DNAH8: variants seen among roughly 807,000 people sequenced by gnomAD.
The protein encoded by DNAH8 is axonemal beta dynein heavy chain 8.
DNAH8 carries 382 observed loss-of-function variants against 562.1 expected under a neutral mutation model. That is an observed-to-expected ratio of 0.68 (90% CI 0.63 to 0.74). The LOEUF (loss-of-function observed/expected upper bound fraction) is 0.74, where lower values mean the gene tolerates loss of function less well. Among genes scored for constraint, DNAH8 ranks in the 30% least tolerant of loss-of-function variants. The pLI, the probability that DNAH8 is intolerant of heterozygous loss-of-function variation, is 0.00. For synonymous variants in DNAH8, 1,881 were observed against 1,919.4 expected, an observed-to-expected ratio of 0.98 and a Z score of 0.52; for missense variants, 5,203 against 5,620.4, an observed-to-expected ratio of 0.93 and a Z score of 2.37.
intron 91 of DNAH8, 26 bp from the exon 92 acceptor site, chr6:39,026,520 C>T (rs1767295583): frequency 6.3e-7 from 1 of 1,592,610 alleles, no homozygotes; most frequent in Non-Finnish European, 8.5e-7. Flanking sequence ...AACAAGGCTT[C>T]AACATCTCTT....
chr6:39,001,456 C>T (rs1765480192), intron 88 of DNAH8, among the ~76,000 whole-genome samples: 1 of 151,978 alleles, frequency 6.6e-6, no homozygotes. Flanking sequence ...GTGAAGACAT[C>T]TAAGCTGAGC....
At position 38,853,257 on chromosome 6, in the gene DNAH8, A is replaced by T. The variant is rs548987637; in HGVS notation, c.5643A>T (p.Ser1881=). The T allele has an allele frequency of 3.7e-6, 6 of 1,613,366 alleles. No individual in the cohort carries two copies. The highest frequency in any genetic ancestry group is 5.1e-6 in the Non-Finnish European group (6 of 1,179,708). Residue 1881 remains serine (S), a synonymous_variant, in exon 41 of 93, where the codon TCA becomes TCT. Transcript: ENST00000327475. The part of the protein sequence containing the change: ...WLLDLLKMQM[S]SLHNIIRSAF... ...TGGATTTGTTAAAAATGCAGATGTCATCATTACATAATATAATTAGATCCG... is the reference window on the plus strand; with the variant it reads ...TGGATTTGTTAAAAATGCAGATGTCTTCATTACATAATATAATTAGATCCG...
intron 30 of DNAH8, among the ~76,000 whole-genome samples, chr6:38,830,206 C>T (rs1327506578): frequency 1.3e-5 from 2 of 151,990 alleles, no homozygotes; most frequent in African/African-American, 4.8e-5. Flanking sequence ...ATTTGTTCCT[C>T]TTTGTTTAAT....
intron 32 of DNAH8, among the ~76,000 whole-genome samples, chr6:38,836,804 G>A (rs1489447822): frequency 6.6e-6 from 1 of 152,060 alleles, no homozygotes; most frequent in African/African-American, 2.4e-5. Flanking sequence ...GGAGTTCTTG[G>A]GCACCCTGCT....
intron 41 of DNAH8, among the ~76,000 whole-genome samples, chr6:38,854,141 C>T (rs1176228634): frequency 6.6e-6 from 1 of 151,790 alleles, no homozygotes; most frequent in Non-Finnish European, 1.5e-5. Flanking sequence ...AAATGAAATC[C>T]ATCTTGTCTT....
chr6:39,008,888 T>C lies in DNAH8; in HGVS notation c.13289T>C (p.Val4430Ala), dbSNP rs765911536. Residue 4430 changes from valine to alanine, a missense_variant, in exon 89 of 93, where the codon GTG (valine) becomes GCG (alanine). By Grantham distance (64) the Val-to-Ala change is moderately conservative. Around this residue, in one of 6 missense-constraint regions of DNAH8, gnomAD observed 1,399 missense variants for 1,518.4 expected, o/e 0.92. Transcript: ENST00000327475. ...CAACCCAAAGAGAGTGGAGGTGGTGTGGGAGAGACCCGGGAGGCTATTGTT... is the reference window on the plus strand; with the variant it reads ...CAACCCAAAGAGAGTGGAGGTGGTGCGGGAGAGACCCGGGAGGCTATTGTT... ...NIQPKESGGG[V>A]GETREAIVYR... is the part of the protein sequence containing the mutation. 6.2e-6 allele frequency: 10 copies of C among 1,607,230 alleles called. No individual in the cohort carries two copies. Among genetic ancestry groups the C allele is most frequent in the Non-Finnish European group, 8.5e-6 (10 of 1,173,932 alleles).
intron 1 of DNAH8, among the ~76,000 whole-genome samples, chr6:38,716,246 C>A (rs1762335573): frequency 6.6e-6 from 1 of 151,538 alleles, no homozygotes; most frequent in Non-Finnish European, 1.5e-5. Flanking sequence ...CAGGCATGAG[C>A]CACCACGCCC....
chr6:38,973,690 C>T lies in DNAH8; in HGVS notation c.12555C>T (p.His4185=), dbSNP rs746809801. The change falls in exon 84 of 93, where the codon CAC becomes CAT. Residue 4185 remains histidine, a synonymous_variant. Transcript: ENST00000327475. ...QGGWVLLQNC[H]LGLEFMEELL... The stretch of plus-strand genomic sequence containing the variant: ...GTTGGGTATTACTACAAAATTGCCA[C>T]CTTGGCCTGGAATTCATGGAAGAAT... 9 of 1,604,042 alleles carry T rather than the reference C, an allele frequency of 5.6e-6. No individual in the cohort carries two copies. Among genetic ancestry groups the T allele is most frequent in the Admixed American group, 3.4e-5 (2 of 58,008 alleles).
chr6:38,900,998 C>T (rs62398571), intron 62 of DNAH8, among the ~76,000 whole-genome samples: 18,337 of 150,288 alleles, frequency 0.12, 1,219 homozygotes, highest in South Asian at 0.23. Flanking sequence ...ACCTTTTTAT[C>T]TCTCATTGGC....
chr6:38,787,618 C>T lies in DNAH8; in HGVS notation c.2583+666C>T, dbSNP rs185568844. Among the ~76,000 whole-genome samples, 352 of 148,420 alleles carry T rather than the reference C, an allele frequency of 2.4e-3. 4 individuals are homozygous for T. Among genetic ancestry groups the T allele is most frequent in the African/African-American group, 8.4e-3 (340 of 40,308 alleles). On this transcript the variant is annotated intron_variant, in intron 18 of 92. Coordinates refer to ENST00000327475, the MANE Select transcript of DNAH8 (RefSeq NM_001206927.2). ...GGCTGAGGCAGGAGAATTGCCTAAACCCGGGAGGTGGAGGTTGCAGTGAGC... is the reference window on the plus strand; with the variant it reads ...GGCTGAGGCAGGAGAATTGCCTAAATCCGGGAGGTGGAGGTTGCAGTGAGC...
At position 38,718,537 on chromosome 6, in the gene DNAH8, C is replaced by T. The variant is rs185056182; in HGVS notation, c.-35+3122C>T. On this transcript the variant is annotated intron_variant, in intron 1 of 92. Coordinates refer to ENST00000327475, the MANE Select transcript of DNAH8 (RefSeq NM_001206927.2). ...ATGATTTCCTTAAGGAAAATCTCTC[C>T]AAAATGGCAGTGGTCATGTATTTAT... Among the ~76,000 whole-genome samples, 311 of 152,222 alleles carry T rather than the reference C, an allele frequency of 2.0e-3. 1 individual carries two copies. Among genetic ancestry groups the T allele is most frequent in the African/African-American group, 7.1e-3 (294 of 41,550 alleles).
chr6:38,735,710 T>C (rs1764021280), intron 5 of DNAH8, among the ~76,000 whole-genome samples: 2 of 152,230 alleles, frequency 1.3e-5, no homozygotes, highest in Admixed American at 6.5e-5. Flanking sequence ...TATGAAATAG[T>C]ATAAGTCTTT....
chr6:38,901,608 A>C (rs960422281), intron 62 of DNAH8, among the ~76,000 whole-genome samples: 3 of 152,104 alleles, frequency 2.0e-5, no homozygotes, highest in Non-Finnish European at 4.4e-5. Flanking sequence ...TAACATATGT[A>C]TATTTGGTAG....
intron 82 of DNAH8, among the ~76,000 whole-genome samples, chr6:38,970,167 CAGAG>C (rs1488507622): frequency 1.3e-5 from 2 of 152,156 alleles, no homozygotes; most frequent in Non-Finnish European, 2.9e-5. Context: ...TGGAAGAAGA[CAGAG>C]AGGCTGTGGC....
chr6:38,715,960 A>ATATTT (rs1372342002), intron 1 of DNAH8, among the ~76,000 whole-genome samples: 11 of 23,626 alleles, frequency 4.7e-4, no homozygotes, highest in Non-Finnish European at 6.9e-4. Context: ...ATATATATAT[A>ATATTT]TTTTTTTTTT....
chr6:38,808,593 T>C (rs1308146743), intron 24 of DNAH8, among the ~76,000 whole-genome samples: 1 of 152,188 alleles, frequency 6.6e-6, no homozygotes, highest in Non-Finnish European at 1.5e-5. Flanking sequence ...TTACTGGGTA[T>C]ATACCCAAAT....
In DNAH8 at chr6:38,828,254, T is replaced by C. The variant is rs993128051; in HGVS notation, c.4154T>C (p.Leu1385Ser). ...GAAGAATCAGAAGCAGTTGATACCT[T>C]AAGATATTCTTTCAACAAATTGCAG... The part of the protein sequence containing the change: ...TKEESEAVDT[L>S]RYSFNKLQSK... Residue 1385 changes from leucine to serine, a missense_variant, in exon 30 of 93, where the codon TTA becomes TCA. Coordinates refer to ENST00000327475, the MANE Select transcript of DNAH8 (RefSeq NM_001206927.2). The C allele has an allele frequency of 6.3e-7, 1 of 1,587,150 alleles. No individual in the cohort carries two copies. Among genetic ancestry groups the C allele is most frequent in the African/African-American group, 1.4e-5 (1 of 73,782 alleles).
Position 38,862,417 on chromosome 6 carries a change from C to T in DNAH8, c.6269C>T (p.Ser2090Leu). The change falls in exon 44 of 93, where the codon TCA (serine) becomes TTA (leucine). Residue 2090 changes from serine to leucine, a missense_variant. Ser to Leu is a moderately radical substitution (Grantham distance 145). Transcript: ENST00000327475. ...LGKYVVVFNC[S>L]DQMDFRGLGR... ...AAATATGTGGTCGTGTTCAATTGCT[C>T]AGATCAAATGGATTTCAGAGGCCTA... 1 of 1,614,022 alleles carries T rather than the reference C, an allele frequency of 6.2e-7. No individual in the cohort carries two copies.
At chr6:38,892,881 C>T (rs943915123) in intron 58 of DNAH8, among the ~76,000 whole-genome samples, 2 of 152,126 alleles carry the variant, frequency 1.3e-5, no homozygotes, top group African/African-American at 4.8e-5. Flanking sequence ...CGTTGCTGGG[C>T]CACCATACGT....
Sources: gnomAD v4.1 joint callset for allele counts (sites outside exome capture counted in the v4.1 genomes callset) on GRCh38, gnomAD v4.1.1 for gene constraint, gnomAD v4.1.1 regional missense constraint, MANE v1.5 for transcripts, NCBI Gene and HGNC (gene_info 2026-07-23, HGNC 2026-07-21) for gene names.